The following AFG2A variants were observed in gnomAD, a reference collection of about 807,000 sequenced individuals.
AFG2A encodes the protein ATPase family gene 2 protein homolog A.
the AFG2A span, among the ~76,000 whole-genome samples, chr4:123,312,504 G>C: frequency 1.3e-5 from 2 of 152,210 alleles, no homozygotes; most frequent in East Asian, 3.9e-4. Context: ...GGTCCCCTTA[G>C]AACACAGTGG....
chr4:123,042,946 A>G, the AFG2A span, among the ~76,000 whole-genome samples: 1 of 152,180 alleles, frequency 6.6e-6, no homozygotes. Context: ...GCTATTCTAT[A>G]TTTATTCATA....
At chr4:123,188,700 A>G in the AFG2A span, among the ~76,000 whole-genome samples, 2 of 152,138 alleles carry the variant, frequency 1.3e-5, no homozygotes, top group Non-Finnish European at 2.9e-5. Context: ...TAAAATGCTG[A>G]TCATAAAAGA....
chr4:123,304,545 G>C, the AFG2A span, among the ~76,000 whole-genome samples: 1 of 152,194 alleles, frequency 6.6e-6, no homozygotes. Context: ...ATCATCGCCA[G>C]CTGCAGCCCA....
chr4:123,192,462 A>G, the AFG2A span, among the ~76,000 whole-genome samples: 1 of 152,340 alleles, frequency 6.6e-6, no homozygotes, highest in African/African-American at 2.4e-5. Flanking sequence ...CCATCTAAAG[A>G]TGGAGGCTAC....
At chr4:123,093,769 A>G in the AFG2A span, among the ~76,000 whole-genome samples, 1 of 152,200 alleles carries the variant, frequency 6.6e-6, no homozygotes, top group Non-Finnish European at 1.5e-5. Context: ...GGAGCCCAAC[A>G]GCAGGATATT....
the AFG2A span, among the ~76,000 whole-genome samples, chr4:122,968,583 T>A: frequency 1.3e-5 from 2 of 152,250 alleles, no homozygotes; most frequent in Admixed American, 6.5e-5. Context: ...TAGCAGGAGT[T>A]CATTTTTATT....
the AFG2A span, among the ~76,000 whole-genome samples, chr4:123,007,664 C>CAG: frequency 6.2e-5 from 5 of 81,110 alleles, no homozygotes; most frequent in South Asian, 6.1e-4. Context: ...CACACACACA[C>CAG]ACATATATGG....
At chr4:123,008,167 A>G in the AFG2A span, among the ~76,000 whole-genome samples, 2 of 152,332 alleles carry the variant, frequency 1.3e-5, no homozygotes, top group East Asian at 3.9e-4. Context: ...GCTGAGGCCT[A>G]TAGTAAGCTT....
At chr4:122,973,580 C>T in the AFG2A span, among the ~76,000 whole-genome samples, 48 of 151,594 alleles carry the variant, frequency 3.2e-4, no homozygotes, top group Middle Eastern at 3.4e-3. Context: ...CTATGTTTGT[C>T]TCCTTGGCTT....
the AFG2A span, among the ~76,000 whole-genome samples, chr4:123,251,773 T>C: frequency 6.6e-6 from 1 of 152,102 alleles, no homozygotes. Context: ...TTGAATTCTT[T>C]GATAAAATAC....
At chr4:122,944,949 T>C in the AFG2A span, among the ~76,000 whole-genome samples, 1 of 152,074 alleles carries the variant, frequency 6.6e-6, no homozygotes, top group South Asian at 2.1e-4. Context: ...TGCAGAACAG[T>C]GGATTTTCCT....
the AFG2A span, among the ~76,000 whole-genome samples, chr4:123,165,121 A>G: frequency 6.6e-6 from 1 of 152,188 alleles, no homozygotes; most frequent in African/African-American, 2.4e-5. Context: ...TAGTGTAAAA[A>G]TGACTGAAAA....
At chr4:123,030,794 A>G in the AFG2A span, among the ~76,000 whole-genome samples, 4 of 152,280 alleles carry the variant, frequency 2.6e-5, no homozygotes, top group African/African-American at 9.6e-5. Flanking sequence ...TGCATTTTGA[A>G]ATATTTGCAT....
At chr4:123,033,643 G>A in the AFG2A span, among the ~76,000 whole-genome samples, 2 of 152,160 alleles carry the variant, frequency 1.3e-5, no homozygotes, top group Non-Finnish European at 2.9e-5. Flanking sequence ...GGGATAATGG[G>A]GAGCTTAAAA....
chr4:122,936,977 A>T, the AFG2A span, among the ~76,000 whole-genome samples: 138,028 of 152,050 alleles, frequency 0.91, 62,873 homozygotes, highest in East Asian at 0.96. Context: ...CGAGACTTTG[A>T]CTCGAAAAAA....
chr4:123,286,738 T>G, the AFG2A span, among the ~76,000 whole-genome samples: 2 of 151,808 alleles, frequency 1.3e-5, no homozygotes, highest in African/African-American at 4.8e-5. Flanking sequence ...AGGGCCAGAG[T>G]TGTAGATTAG....
At chr4:123,028,339 A>T in the AFG2A span, 1 of 1,614,128 alleles carries the variant, frequency 6.2e-7, no homozygotes, top group Non-Finnish European at 8.5e-7. Context: ...GTGCTCTAAA[A>T]CAATGATAGC....
chr4:123,036,470 G>C, the AFG2A span, among the ~76,000 whole-genome samples: 3 of 152,090 alleles, frequency 2.0e-5, no homozygotes, highest in Non-Finnish European at 1.5e-5. Flanking sequence ...ATATGGATTT[G>C]TAGCTCAAGA....
At chr4:123,184,227 C>CT in the AFG2A span, among the ~76,000 whole-genome samples, 1 of 152,116 alleles carries the variant, frequency 6.6e-6, no homozygotes, top group East Asian at 1.9e-4. Flanking sequence ...TCAAATAACT[C>CT]TACCTGAAAC....
Sources: gnomAD v4.1 joint callset for allele counts (sites outside exome capture counted in the v4.1 genomes callset) on GRCh38, gnomAD v4.1.1 for gene constraint, MANE v1.5 for transcripts, NCBI Gene and HGNC (gene_info 2026-07-23, HGNC 2026-07-21) for gene names.